Variants in SGMS1 observed in about 807,000 individuals in gnomAD.
SGMS1 encodes the protein phosphatidylcholine:ceramide cholinephosphotransferase 1.
Under a neutral mutation model 46.2 loss-of-function variants are expected in SGMS1, and 13 were observed. The ratio of observed to expected loss-of-function variants is 0.28; its 90% confidence interval spans 0.18 to 0.45. The LOEUF (loss-of-function observed/expected upper bound fraction) is 0.45, where lower values mean the gene tolerates loss of function less well. SGMS1 is among the 20% of genes least tolerant of loss of function. The pLI, the probability that SGMS1 is intolerant of heterozygous loss-of-function variation, is 1.00. For missense variants in SGMS1, 324 were observed against 519.9 expected, an observed-to-expected ratio of 0.62 and a Z score of 3.66; for synonymous variants, 203 against 187.8, an observed-to-expected ratio of 1.08 and a Z score of -0.66.
intron 2 of SGMS1, among the ~76,000 whole-genome samples, chr10:50,587,029 G>C (rs1258108831): frequency 2.0e-5 from 3 of 152,194 alleles, no homozygotes; most frequent in Non-Finnish European, 4.4e-5. Flanking sequence ...AATGAGAGAA[G>C]CCAGACACAA....
intron 3 of SGMS1, among the ~76,000 whole-genome samples, chr10:50,492,180 A>G (rs150760091): frequency 0.013 from 1,992 of 152,338 alleles, 43 homozygotes; most frequent in African/African-American, 0.045. Flanking sequence ...GAATAATAAG[A>G]GCCATCTACA....
At chr10:50,349,834 T>C (rs1847976292) in intron 6 of SGMS1, among the ~76,000 whole-genome samples, 1 of 152,238 alleles carries the variant, frequency 6.6e-6, no homozygotes, top group South Asian at 2.1e-4. Flanking sequence ...CATTTAAACC[T>C]CTTTTTCTTC....
chr10:50,553,360 T>G (rs1446185425), intron 2 of SGMS1, among the ~76,000 whole-genome samples: 1 of 152,204 alleles, frequency 6.6e-6, no homozygotes, highest in Non-Finnish European at 1.5e-5. Context: ...GTCTGTAAGA[T>G]GGGATGATAT....
At chr10:50,363,300 C>T (rs1848283553) in intron 6 of SGMS1, among the ~76,000 whole-genome samples, 1 of 152,154 alleles carries the variant, frequency 6.6e-6, no homozygotes, top group Non-Finnish European at 1.5e-5. Flanking sequence ...GGTGACGGAT[C>T]TGGCAGGCCC....
intron 2 of SGMS1, among the ~76,000 whole-genome samples, chr10:50,552,848 G>A (rs1424612008): frequency 2.0e-5 from 3 of 152,158 alleles, no homozygotes; most frequent in Non-Finnish European, 4.4e-5. Context: ...GTAAGAGGGA[G>A]GTAGACAGTG....
chr10:50,495,766 T>A (rs1465548823), intron 3 of SGMS1, among the ~76,000 whole-genome samples: 4 of 147,342 alleles, frequency 2.7e-5, no homozygotes, highest in East Asian at 2.0e-4. Context: ...CCAAGAATTA[T>A]AAAAAAAAAA....
At position 50,379,456 on chromosome 10, in the gene SGMS1, A is replaced by ATATG. The variant is rs1412787055; in HGVS notation, c.-231-35112_-231-35111insCATA. Among the ~76,000 whole-genome samples, 23 of 145,048 alleles carry ATATG rather than the reference A, an allele frequency of 1.6e-4. No homozygotes were observed. The East Asian group carries it at 4.4e-3, about 28-fold the overall frequency. On this transcript the variant is annotated intron_variant, in intron 6 of 10. Transcript: ENST00000361781. The stretch of plus-strand genomic sequence containing the variant: ...TATACATTTATATATATATATATAT[A>ATATG]TGTGCACGTGTATGTAAGCATAAAA...
chr10:50,384,687 C>T (rs1169894624), intron 6 of SGMS1, among the ~76,000 whole-genome samples: 1 of 151,978 alleles, frequency 6.6e-6, no homozygotes, highest in Admixed American at 6.6e-5. Flanking sequence ...TGGGCTCAAA[C>T]AATCCTCTTG....
intron 3 of SGMS1, among the ~76,000 whole-genome samples, chr10:50,503,522 G>T (rs553533069): frequency 4.7e-4 from 72 of 152,248 alleles, no homozygotes; most frequent in African/African-American, 1.7e-3. Context: ...GCCTGCCAGA[G>T]AACAACCCCC....
intron 2 of SGMS1, among the ~76,000 whole-genome samples, chr10:50,580,988 C>T (rs192901377): frequency 3.7e-4 from 56 of 152,302 alleles, no homozygotes; most frequent in Non-Finnish European, 6.2e-4. Context: ...GATCACCACA[C>T]CCCACCCCCA....
At chr10:50,372,029 A>G (rs1182179466) in intron 6 of SGMS1, among the ~76,000 whole-genome samples, 1 of 151,982 alleles carries the variant, frequency 6.6e-6, no homozygotes, top group Non-Finnish European at 1.5e-5. Flanking sequence ...AAACCACCGC[A>G]CTCTTATCTA....
chr10:50,485,426 G>A (rs1837511863), intron 3 of SGMS1, among the ~76,000 whole-genome samples: 1 of 152,212 alleles, frequency 6.6e-6, no homozygotes, highest in South Asian at 2.1e-4. Context: ...ATCATTCCAT[G>A]CTCATGGATA....
chr10:50,619,595 G>A (rs928354985), intron 1 of SGMS1, among the ~76,000 whole-genome samples: 8 of 152,226 alleles, frequency 5.3e-5, no homozygotes, highest in Non-Finnish European at 1.5e-5. Flanking sequence ...AGGGGCTTTT[G>A]CACAGTGAGA....
chr10:50,530,409 G>A (rs1179181512), intron 2 of SGMS1, among the ~76,000 whole-genome samples: 1 of 152,322 alleles, frequency 6.6e-6, no homozygotes, highest in South Asian at 2.1e-4. Context: ...GGGACAGAAA[G>A]GGAAATGGGC....
At chr10:50,356,001 C>T (rs1412935049) in intron 6 of SGMS1, among the ~76,000 whole-genome samples, 2 of 151,796 alleles carry the variant, frequency 1.3e-5, no homozygotes, top group Non-Finnish European at 2.9e-5. Context: ...CGCTCGGCAG[C>T]TGCCCCGTCT....
At chr10:50,598,436 T>A (rs1181952457) in intron 1 of SGMS1, among the ~76,000 whole-genome samples, 1 of 152,134 alleles carries the variant, frequency 6.6e-6, no homozygotes, top group East Asian at 1.9e-4. Flanking sequence ...AACTATACAC[T>A]TCCAAAAAGT....
chr10:50,335,463 G>T (rs7342074), intron 7 of SGMS1: 1 of 152,188 alleles, frequency 6.6e-6, no homozygotes, highest in African/African-American at 2.4e-5. Flanking sequence ...TCATTTTGTA[G>T]GTAAGGAAAC....
chr10:50,525,698 C>G (rs1837894867), intron 2 of SGMS1, among the ~76,000 whole-genome samples: 1 of 152,156 alleles, frequency 6.6e-6, no homozygotes, highest in African/African-American at 2.4e-5. Context: ...CTAGGGAAAA[C>G]AAGGGAGACT....
intron 6 of SGMS1, among the ~76,000 whole-genome samples, chr10:50,415,923 A>G (rs1000842687): frequency 6.6e-6 from 1 of 152,226 alleles, no homozygotes; most frequent in African/African-American, 2.4e-5. Context: ...CACTTGTGAC[A>G]CGCAAGAGGA....
Sources: gnomAD v4.1 joint callset for allele counts (sites outside exome capture counted in the v4.1 genomes callset) on GRCh38, gnomAD v4.1.1 for gene constraint, MANE v1.5 for transcripts, NCBI Gene and HGNC (gene_info 2026-07-23, HGNC 2026-07-21) for gene names.